Variants in GFOD1 observed in about 807,000 individuals in gnomAD.
The protein encoded by GFOD1 is glucose-fructose oxidoreductase domain-containing protein 1.
A neutral mutation model predicts 25.4 loss-of-function variants in GFOD1; 9 were observed. The ratio of observed to expected loss-of-function variants is 0.35; its 90% CI spans 0.21 to 0.62. The LOEUF (loss-of-function observed/expected upper bound fraction) is 0.62. Ranked by LOEUF, GFOD1 falls within the 20% of genes least tolerant of loss-of-function variation. The probability of loss-of-function intolerance (pLI) is 0.72; values close to 1 mark genes in which losing one functional copy is unlikely to be tolerated. For missense variants in GFOD1, 403 were observed against 556.9 expected, an observed-to-expected ratio of 0.72 and a Z score of 2.78; for synonymous variants, 253 against 245.6, an observed-to-expected ratio of 1.03 and a Z score of -0.28.
Position 13,430,180 on chromosome 6 carries a change from T to C in GFOD1, c.253+56458A>G, listed in dbSNP as rs1331503749. Among the ~76,000 whole-genome samples, 1 of 152,188 alleles carries C rather than the reference T, an allele frequency of 6.6e-6. No individual in the cohort carries two copies. The highest frequency in any genetic ancestry group is 2.4e-5 in the African/African-American group (1 of 41,440). On this transcript the variant is annotated intron_variant, in intron 1 of 1. Coordinates refer to ENST00000379287, the MANE Select transcript of GFOD1 (RefSeq NM_018988.4). This position sits in a 1 kb window ranked among gnomAD's most constrained non-coding sequence, Gnocchi z 4.1. ...GGCCGGGAGCAGTCGCTCATGCCTG[T>C]AACCCCAGCACTTTGGGAAGCAGAG... is the stretch of plus-strand genomic sequence containing the variant.
At chr6:13,394,024 A>G (rs1230522785) in intron 1 of GFOD1, among the ~76,000 whole-genome samples, 1 of 151,894 alleles carries the variant, frequency 6.6e-6, no homozygotes, top group Middle Eastern at 3.2e-3. Context: ...TGATCCACCC[A>G]CCTCGGCCTC....
At chr6:13,410,854 C>T (rs948590827) in intron 1 of GFOD1, among the ~76,000 whole-genome samples, 3 of 152,232 alleles carry the variant, frequency 2.0e-5, no homozygotes, top group Non-Finnish European at 2.9e-5. Context: ...TGACTCCCTA[C>T]ACTAACGCTG....
intron 1 of GFOD1, among the ~76,000 whole-genome samples, chr6:13,451,965 T>C (rs1758106001): frequency 6.6e-6 from 1 of 152,216 alleles, no homozygotes; most frequent in African/African-American, 2.4e-5. Flanking sequence ...AGCTCAGCAC[T>C]GTCTTAAATT....
chr6:13,409,764 A>G (rs1584635355), intron 1 of GFOD1, among the ~76,000 whole-genome samples: 2 of 152,130 alleles, frequency 1.3e-5, no homozygotes, highest in East Asian at 3.8e-4. Flanking sequence ...TACTAAAAAT[A>G]CAAAAAAATT....
At position 13,365,027 on chromosome 6, in the gene GFOD1, C is replaced by T. The variant is rs1327890092; in HGVS notation, c.889G>A (p.Asp297Asn). 3 of 1,610,368 alleles carry T rather than the reference C, an allele frequency of 1.9e-6. No homozygotes were observed. The highest frequency in any genetic ancestry group is 2.5e-6 in the Non-Finnish European group (3 of 1,179,926). Residue 297 changes from aspartate (D) to asparagine (N), a missense_variant, in exon 2 of 2, where the codon GAC becomes AAC. Coordinates refer to ENST00000379287, the MANE Select transcript of GFOD1 (RefSeq NM_018988.4). The surrounding 1 kb of genome is among the most constrained non-coding windows in gnomAD (Gnocchi z 9.2). ...CCGCGCAGGTAGGGCGAGGGGATGT[C>T]GCTGAAGGCCTTCTCCGGAAGCAGG... ...NSLLPEKAFS[D>N]IPSPYLRGTI...
In GFOD1 at chr6:13,418,405, T is replaced by C. The variant is rs374803114; in HGVS notation, c.254-52743A>G. Among the ~76,000 whole-genome samples the C allele has an allele frequency of 3.3e-5, 5 of 152,370 alleles. No homozygotes were observed. The South Asian group carries it at 6.2e-4, about 19-fold the overall frequency. ...CACATCACTGATCAAACTAGGTCCGTTTGCAGAATATGCAGCCATCAGGGA... is the reference window on the plus strand; with the variant it reads ...CACATCACTGATCAAACTAGGTCCGCTTGCAGAATATGCAGCCATCAGGGA... On this transcript the variant is annotated intron_variant, in intron 1 of 1. Transcript: ENST00000379287.
In GFOD1 at chr6:13,409,498, A is replaced by T. The variant is rs1272564991; in HGVS notation, c.254-43836T>A. Among the ~76,000 whole-genome samples the T allele has an allele frequency of 2.0e-5, 3 of 152,252 alleles. 1 individual carries two copies. ...CATGAGATTAGGGGACTGCAATTTT[A>T]GTTACGTCTTTATGCACAGAGAGAT... On this transcript the variant is annotated intron_variant, in intron 1 of 1. Transcript: ENST00000379287.
intron 1 of GFOD1, among the ~76,000 whole-genome samples, chr6:13,379,664 T>A (rs1460210687): frequency 1.3e-5 from 2 of 152,234 alleles, no homozygotes; most frequent in Non-Finnish European, 2.9e-5. Flanking sequence ...TACATTTCCG[T>A]GAGGAACTAA....
At chr6:13,457,721 A>G (rs1271555229) in intron 1 of GFOD1, among the ~76,000 whole-genome samples, 2 of 152,218 alleles carry the variant, frequency 1.3e-5, no homozygotes, top group Non-Finnish European at 2.9e-5. Context: ...ACGCAGTTCT[A>G]AACTAGACTC....
chr6:13,421,132 T>C (rs770812285), intron 1 of GFOD1, among the ~76,000 whole-genome samples: 11 of 152,144 alleles, frequency 7.2e-5, no homozygotes, highest in Admixed American at 2.6e-4. Flanking sequence ...ATTTATATGA[T>C]GGATATTTTT....
chr6:13,372,136 G>A (rs940341979), intron 1 of GFOD1, among the ~76,000 whole-genome samples: 1 of 152,208 alleles, frequency 6.6e-6, no homozygotes. Context: ...TAAAATGGTG[G>A]AGCTGAGAGA....
chr6:13,477,232 T>TGTGC (rs1198054487), intron 1 of GFOD1, among the ~76,000 whole-genome samples: 4 of 148,936 alleles, frequency 2.7e-5, no homozygotes, highest in Admixed American at 6.7e-5. Flanking sequence ...TGTGTGTGTG[T>TGTGC]GTGTGTGTGT....
chr6:13,441,426 C>T (rs1757914397), intron 1 of GFOD1, among the ~76,000 whole-genome samples: 1 of 152,146 alleles, frequency 6.6e-6, no homozygotes, highest in South Asian at 2.1e-4. Flanking sequence ...CATAGATAAA[C>T]ACCCAACAAA....
At chr6:13,454,131 G>A (rs1366430465) in intron 1 of GFOD1, among the ~76,000 whole-genome samples, 1 of 152,140 alleles carries the variant, frequency 6.6e-6, no homozygotes, top group East Asian at 1.9e-4. Context: ...GAGACGAGGT[G>A]ATGCATCCTC....
chr6:13,422,552 T>G (rs969482431), intron 1 of GFOD1, among the ~76,000 whole-genome samples: 1 of 152,188 alleles, frequency 6.6e-6, no homozygotes, highest in African/African-American at 2.4e-5. Context: ...AAGCAGAAAG[T>G]CACTTCCCCA....
chr6:13,387,734 T>C (rs1043082421), intron 1 of GFOD1, among the ~76,000 whole-genome samples: 1 of 152,058 alleles, frequency 6.6e-6, no homozygotes, highest in Non-Finnish European at 1.5e-5. Flanking sequence ...CTCTCACCAC[T>C]CCTATTCAAC....
At position 13,382,347 on chromosome 6, in the gene GFOD1, T is replaced by TGGG. The variant is rs57799706; in HGVS notation, c.254-16688_254-16686dup. Among the ~76,000 whole-genome samples the TGGG allele has an allele frequency of 5.2e-4, 75 of 143,734 alleles. 1 individual carries two copies. The highest frequency in any genetic ancestry group is 3.8e-3 in the East Asian group (18 of 4,738). The allele number at this position is 143,734 out of a possible 152,430, so 94.3% of individuals were successfully genotyped here. A position where few individuals can be genotyped will look rare whatever the true frequency, so the allele number is the denominator to read the frequency against. On this transcript the variant is annotated intron_variant, in intron 1 of 1. Transcript: ENST00000379287. ...GACCCAGTGGGAGGTAATTGAATCA[T>TGGG]GGGGGGGGGGGTTCTTTTCCATGCT...
intron 1 of GFOD1, among the ~76,000 whole-genome samples, chr6:13,391,963 G>C (rs1178021562): frequency 3.3e-5 from 5 of 152,194 alleles, no homozygotes. Context: ...TTGGTGAACA[G>C]GCCTGCCCAT....
At chr6:13,442,870 G>A (rs1757938990) in intron 1 of GFOD1, among the ~76,000 whole-genome samples, 2 of 152,172 alleles carry the variant, frequency 1.3e-5, no homozygotes, top group South Asian at 2.1e-4. Context: ...GTAGCCCATG[G>A]ATCAAAGAGC....
Sources: allele counts gnomAD v4.1 joint callset (sites outside exome capture counted in the v4.1 genomes callset), GRCh38; gene constraint gnomAD v4.1.1; non-coding constraint Gnocchi (gnomAD v3.1); transcripts MANE v1.5; gene names NCBI Gene and HGNC (gene_info 2026-07-23, HGNC 2026-07-21).